RHOJ: variants seen among roughly 807,000 people sequenced by gnomAD.
The protein encoded by RHOJ is ras homolog family member J, also known as rho-related GTP-binding protein RhoJ.
Under a neutral mutation model 23.4 loss-of-function variants are expected in RHOJ, and 11 were observed. The ratio of observed to expected loss-of-function variants is 0.47; its 90% CI spans 0.30 to 0.78. The LOEUF is 0.78. Ranked by LOEUF, RHOJ falls within the 30% of genes least tolerant of loss-of-function variation. RHOJ has a pLI of 0.08. For synonymous variants in RHOJ, 102 were observed against 102.7 expected, an observed-to-expected ratio of 0.99 and a Z score of 0.04; for missense variants, 254 against 273.4, an observed-to-expected ratio of 0.93 and a Z score of 0.50.
chr14:63,208,967 C>T lies in RHOJ; in HGVS notation c.178+3920C>T, dbSNP rs544587145. 3.9e-5 allele frequency among the ~76,000 whole-genome samples: 6 copies of T among 152,126 alleles called. No homozygotes were observed. In the South Asian group the frequency reaches 8.3e-4, roughly 21 times the overall value. ...ATGTATGTACATGACCACTCTTTTCCACCCGGTTTCTGAAAACAAAAACTT... is the reference window on the plus strand; with the variant it reads ...ATGTATGTACATGACCACTCTTTTCTACCCGGTTTCTGAAAACAAAAACTT... On this transcript the variant is annotated intron_variant, in intron 1 of 4. Transcript: ENST00000316754.
intron 1 of RHOJ, among the ~76,000 whole-genome samples, chr14:63,218,261 T>C (rs754255153): frequency 3.9e-5 from 6 of 152,214 alleles, no homozygotes; most frequent in Non-Finnish European, 7.3e-5. Flanking sequence ...TTGACATTCA[T>C]ATTCACAGCT....
Position 63,269,021 on chromosome 14 carries a change from A to C in RHOJ, c.179-89A>C, listed in dbSNP as rs73268349. ...ATATGCTTCTTCTTGCTGCCCAAGG[A>C]GATGCTGGCATGGAAACAATGTGAA... On this transcript the variant is annotated intron_variant, in intron 1 of 4. Coordinates refer to ENST00000316754, the MANE Select transcript of RHOJ (RefSeq NM_020663.5). 1.6e-4 allele frequency: 137 copies of C among 867,546 alleles called. No individual in the cohort carries two copies. The African/African-American group carries it at 2.1e-3, about 14-fold the overall frequency. 53.7% of individuals were successfully genotyped at this position (867,546 alleles called of 1,614,324 possible).
intron 1 of RHOJ, among the ~76,000 whole-genome samples, chr14:63,238,541 C>T (rs935745799): frequency 6.6e-6 from 1 of 152,162 alleles, no homozygotes; most frequent in African/African-American, 2.4e-5. Flanking sequence ...CTCAGCTCAA[C>T]CTCCCAAGTA....
At chr14:63,284,115 G>A (rs1392753086) in intron 4 of RHOJ, among the ~76,000 whole-genome samples, 1 of 152,172 alleles carries the variant, frequency 6.6e-6, no homozygotes, top group Non-Finnish European at 1.5e-5. Context: ...GGCAGAGTTA[G>A]AAGTCACTCT....
intron 1 of RHOJ, among the ~76,000 whole-genome samples, chr14:63,255,837 T>C (rs545812095): frequency 6.6e-6 from 1 of 151,790 alleles, no homozygotes; most frequent in African/African-American, 2.4e-5. Context: ...CATTCGCAAA[T>C]CATTATGGCA....
At position 63,207,306 on chromosome 14, in the gene RHOJ, A is replaced by C. The variant is rs1894134257; in HGVS notation, c.178+2259A>C. Among the ~76,000 whole-genome samples, 3 of 152,268 alleles carry C rather than the reference A, an allele frequency of 2.0e-5. No homozygotes were observed. In the South Asian group the frequency reaches 6.2e-4, roughly 32 times the overall value. On this transcript the variant is annotated intron_variant, in intron 1 of 4. Coordinates refer to ENST00000316754, the MANE Select transcript of RHOJ (RefSeq NM_020663.5). ...CAGCCTCCTAACGTGCTGGGATTAC[A>C]GGCGTGAGCCACCGCGCCCAACCAG...
chr14:63,260,846 T>G (rs1895259330), intron 1 of RHOJ, among the ~76,000 whole-genome samples: 1 of 151,034 alleles, frequency 6.6e-6, no homozygotes, highest in Non-Finnish European at 1.5e-5. Flanking sequence ...TGTACAGGTT[T>G]TTTTTTTTTA....
At chr14:63,208,745 T>C (rs1400451797) in intron 1 of RHOJ, among the ~76,000 whole-genome samples, 1 of 152,222 alleles carries the variant, frequency 6.6e-6, no homozygotes, top group Non-Finnish European at 1.5e-5. Flanking sequence ...TAGGGTATGC[T>C]TGATTGTATC....
At chr14:63,248,816 C>G (rs949027501) in intron 1 of RHOJ, among the ~76,000 whole-genome samples, 2 of 152,206 alleles carry the variant, frequency 1.3e-5, no homozygotes, top group African/African-American at 4.8e-5. Flanking sequence ...AGGGTTGCTT[C>G]CATTCTCAGA....
intron 1 of RHOJ, among the ~76,000 whole-genome samples, chr14:63,263,076 C>T (rs952915455): frequency 3.9e-5 from 6 of 152,250 alleles, no homozygotes; most frequent in Admixed American, 2.0e-4. Context: ...GGCATTTTCT[C>T]GTTTAATTTC....
chr14:63,263,336 A>C (rs1895306222), intron 1 of RHOJ, among the ~76,000 whole-genome samples: 1 of 152,196 alleles, frequency 6.6e-6, no homozygotes, highest in Admixed American at 6.5e-5. Flanking sequence ...CCAAATTAAG[A>C]AGCCTCATAG....
At chr14:63,269,054 G>A (rs1440645080) in intron 1 of RHOJ, 56 bp from the exon 2 acceptor site, 2 of 1,262,276 alleles carry the variant, frequency 1.6e-6, no homozygotes, top group South Asian at 1.2e-5. Context: ...GAAGGCTCCT[G>A]ATTGAAGCTT....
intron 1 of RHOJ, among the ~76,000 whole-genome samples, chr14:63,240,807 T>C (rs1466165766): frequency 2.6e-5 from 4 of 152,214 alleles, no homozygotes; most frequent in Non-Finnish European, 4.4e-5. Context: ...ATTAGGTTTC[T>C]CAAGGAAAAT....
Position 63,281,098 on chromosome 14 carries a change from G to A in RHOJ, c.365G>A (p.Cys122Tyr). ...QEEWVPELKD[C>Y]MPHVPYVLIG... is the part of the protein sequence containing the mutation. Reference sequence around the variant, plus strand: ...GAATGGGTCCCCGAGCTCAAGGACTGCATGCCTCACGTGCCTTATGTCCTC... The same window carrying A: ...GAATGGGTCCCCGAGCTCAAGGACTACATGCCTCACGTGCCTTATGTCCTC... The change falls in exon 3 of 5, where the codon TGC becomes TAC. Residue 122 changes from cysteine to tyrosine, a missense_variant. Physicochemically the swap from Cys to Tyr is radical, Grantham distance 194. Coordinates refer to ENST00000316754, the MANE Select transcript of RHOJ (RefSeq NM_020663.5). 6.2e-7 allele frequency: 1 copy of A among 1,613,970 alleles called. No individual in the cohort carries two copies. The highest frequency in any genetic ancestry group is 8.5e-7 in the Non-Finnish European group (1 of 1,179,924).
Position 63,291,923 on chromosome 14 carries a change from T to C in RHOJ, c.*899T>C, listed in dbSNP as rs953962433. The C allele has an allele frequency of 1.3e-5, 2 of 152,374 alleles. No homozygotes were observed. The highest frequency in any genetic ancestry group is 2.9e-5 in the Non-Finnish European group (2 of 68,040). 9.4% of individuals were successfully genotyped at this position (152,374 alleles called of 1,614,324 possible). A position where few individuals can be genotyped will look rare whatever the true frequency, so the allele number is the denominator to read the frequency against. ...ATCCATCTTTTACAGTATTTTGTATTCAGTAAAGTGGACATTCCTGCTCCT... is the reference window on the plus strand; with the variant it reads ...ATCCATCTTTTACAGTATTTTGTATCCAGTAAAGTGGACATTCCTGCTCCT... On this transcript the variant is annotated 3_prime_UTR_variant, in exon 5 of 5. Transcript: ENST00000316754.
Position 63,241,770 on chromosome 14 carries a change from C to G in RHOJ, c.179-27340C>G, listed in dbSNP as rs984655879. 3.3e-5 allele frequency among the ~76,000 whole-genome samples: 5 copies of G among 152,272 alleles called. No individual in the cohort carries two copies. In the East Asian group the frequency reaches 5.8e-4, roughly 18 times the overall value. ...GTTGATCCAGTAGCAAAATGTCAAA[C>G]TAATTTATATTCAGGCCAGGAGGTT... is the stretch of plus-strand genomic sequence containing the variant. On this transcript the variant is annotated intron_variant, in intron 1 of 4. Coordinates refer to ENST00000316754, the MANE Select transcript of RHOJ (RefSeq NM_020663.5).
intron 1 of RHOJ, among the ~76,000 whole-genome samples, chr14:63,255,417 G>A (rs965362082): frequency 2.0e-5 from 3 of 152,194 alleles, no homozygotes; most frequent in Non-Finnish European, 4.4e-5. Context: ...AGGGAAGGAT[G>A]AGAGCCTTGT....
chr14:63,221,251 C>T (rs1004261347), intron 1 of RHOJ, among the ~76,000 whole-genome samples: 5 of 152,164 alleles, frequency 3.3e-5, no homozygotes, highest in Middle Eastern at 3.4e-3. Context: ...GATTGCTTGA[C>T]CCCAGGAGAT....
chr14:63,205,866 C>T (rs995503222), intron 1 of RHOJ, among the ~76,000 whole-genome samples: 7 of 152,154 alleles, frequency 4.6e-5, no homozygotes, highest in Non-Finnish European at 1.0e-4. Context: ...TTGATTCTTT[C>T]TTTTTCTGTT....
Sources: allele counts gnomAD v4.1 joint callset (sites outside exome capture counted in the v4.1 genomes callset), GRCh38; gene constraint gnomAD v4.1.1; transcripts MANE v1.5; gene names NCBI Gene and HGNC (gene_info 2026-07-23, HGNC 2026-07-21).